CCDC93: variants seen among roughly 807,000 people sequenced by gnomAD.
CCDC93 encodes the protein coiled-coil domain-containing protein 93.
In CCDC93, 61 loss-of-function variants were observed where a neutral mutation model predicts 108.2. The ratio of observed to expected loss-of-function variants is 0.56; its 90% CI spans 0.46 to 0.70. The LOEUF (loss-of-function observed/expected upper bound fraction) is 0.70. CCDC93 is among the 30% of genes least tolerant of loss of function. The probability of loss-of-function intolerance (pLI) is 0.00; values close to 1 mark genes in which losing one functional copy is unlikely to be tolerated. For synonymous variants in CCDC93, 276 were observed against 260.4 expected, an observed-to-expected ratio of 1.06 and a Z score of -0.58; for missense variants, 685 against 764.2, an observed-to-expected ratio of 0.90 and a Z score of 1.22.
At chr2:117,996,991 T>A (rs576352058) in intron 4 of CCDC93, 1 of 152,430 alleles carries the variant, frequency 6.6e-6, no homozygotes, top group East Asian at 1.9e-4. Context: ...TGGTACTGGC[T>A]GAGTTTTACT....
At chr2:117,922,086 T>C (rs746427687) in intron 23 of CCDC93, among the ~76,000 whole-genome samples, 2 of 152,194 alleles carry the variant, frequency 1.3e-5, no homozygotes, top group African/African-American at 2.4e-5. Flanking sequence ...CTACACTCTC[T>C]ACTTGTATAT....
intron 23 of CCDC93, among the ~76,000 whole-genome samples, chr2:117,924,521 G>T (rs10187037): frequency 2.6e-5 from 4 of 152,048 alleles, no homozygotes; most frequent in Non-Finnish European, 5.9e-5. Context: ...CTGGAAGAAA[G>T]GGTATCAGTG....
chr2:117,988,350 A>C (rs1680380586), intron 6 of CCDC93, among the ~76,000 whole-genome samples: 1 of 152,156 alleles, frequency 6.6e-6, no homozygotes, highest in Non-Finnish European at 1.5e-5. Context: ...ACAGCACAGT[A>C]CCATGGCAGT....
intron 22 of CCDC93, among the ~76,000 whole-genome samples, chr2:117,932,143 T>C (rs1678358590): frequency 6.6e-6 from 1 of 152,118 alleles, no homozygotes; most frequent in African/African-American, 2.4e-5. Flanking sequence ...CAATGCTATG[T>C]GCTGTATGTC....
chr2:117,932,328 G>A (rs987061990), intron 22 of CCDC93, among the ~76,000 whole-genome samples: 2 of 152,130 alleles, frequency 1.3e-5, no homozygotes, highest in Non-Finnish European at 2.9e-5. Flanking sequence ...CTTTGGGAGG[G>A]ATTTGGTAAA....
chr2:117,960,328 C>G (rs933997587), intron 11 of CCDC93, among the ~76,000 whole-genome samples: 6 of 152,192 alleles, frequency 3.9e-5, no homozygotes, highest in African/African-American at 1.4e-4. Flanking sequence ...TGTCAGGCTT[C>G]GAGACTGAGA....
At chr2:117,952,317 G>GT in intron 13 of CCDC93, 56 bp downstream of exon 13, 2 of 1,140,826 alleles carry the variant, frequency 1.8e-6, no homozygotes, top group Non-Finnish European at 1.3e-6. Context: ...TAGTGGTTCA[G>GT]GTCAAAAACA....
At chr2:117,975,119 G>C in intron 9 of CCDC93, 69 bp downstream of exon 9, 2 of 1,384,354 alleles carry the variant, frequency 1.4e-6, no homozygotes, top group Non-Finnish European at 2.0e-6. Context: ...GGAACGCTAG[G>C]GATAAGAGTA....
chr2:117,962,960 T>C (rs1176136338), intron 11 of CCDC93, among the ~76,000 whole-genome samples: 1 of 152,186 alleles, frequency 6.6e-6, no homozygotes, highest in African/African-American at 2.4e-5. Flanking sequence ...AGTTCTGCAA[T>C]CCTAATTCAC....
At chr2:117,966,707 T>C (rs1679591212) in intron 11 of CCDC93, among the ~76,000 whole-genome samples, 1 of 152,208 alleles carries the variant, frequency 6.6e-6, no homozygotes, top group South Asian at 2.1e-4. Flanking sequence ...CATAAGTACA[T>C]CCTTGACCAT....
At position 117,936,749 on chromosome 2, in the gene CCDC93, T is replaced by TA. The variant is rs779925864; in HGVS notation, c.1606-11dup. Reference sequence around the variant, plus strand: ...AGTTCAGCAGACTAATCTGGGGAAGTAAAAAAACAAACGAAATTATAAGAC... The same window carrying TA: ...AGTTCAGCAGACTAATCTGGGGAAGTAAAAAAAACAAACGAAATTATAAGAC... On this transcript the variant is annotated splice_polypyrimidine_tract_variant and intron_variant, in intron 20 of 23. Transcript: ENST00000376300. The TA allele has an allele frequency of 3.1e-6, 5 of 1,611,782 alleles. 1 individual carries two copies. The highest frequency in any genetic ancestry group is 2.2e-5 in the East Asian group (1 of 44,862).
rs559715335 is a variant in CCDC93 at position 117,950,969 on chromosome 2, T to C, written c.1068+1404A>G. On this transcript the variant is annotated intron_variant, in intron 13 of 23. Coordinates refer to ENST00000376300, the MANE Select transcript of CCDC93 (RefSeq NM_019044.5). ...AGCAATGTTGGCTGCTGTTTTCATT[T>C]GAGGATAGTCTTATTACTGACTTAA... The C allele has an allele frequency of 7.3e-5, 72 of 985,452 alleles. No homozygotes were observed. The African/African-American group carries it at 1.2e-3, about 17-fold the overall frequency. 61.0% of individuals were successfully genotyped at this position (985,452 alleles called of 1,614,324 possible).
At chr2:117,962,195 C>A (rs1296248938) in intron 11 of CCDC93, among the ~76,000 whole-genome samples, 1 of 152,160 alleles carries the variant, frequency 6.6e-6, no homozygotes, top group East Asian at 1.9e-4. Context: ...ACACATCAAC[C>A]TTCTAATACA....
rs1257077754 is a variant in CCDC93 at position 117,936,604 on chromosome 2, T to C, written c.1643+98A>G. On this transcript the variant is annotated intron_variant, in intron 21 of 23. Transcript: ENST00000376300. The stretch of plus-strand genomic sequence containing the variant: ...CACATACCCAGTGTTAAGTCTTGCA[T>C]GTACCTTTGTCAAGCACATTATAGC... The C allele has an allele frequency of 7.4e-6, 7 of 949,762 alleles. No homozygotes were observed. In the East Asian group the frequency reaches 1.4e-4, roughly 20 times the overall value. The allele number at this position is 949,762 out of a possible 1,614,324, so 58.8% of individuals were successfully genotyped here.
intron 8 of CCDC93, among the ~76,000 whole-genome samples, chr2:117,977,660 T>C (rs902591934): frequency 1.3e-5 from 2 of 152,332 alleles, no homozygotes; most frequent in South Asian, 2.1e-4. Flanking sequence ...CACATCTATT[T>C]AGAGTCTCAC....
intron 5 of CCDC93, 67 bp from the exon 6 acceptor site, chr2:117,995,569 G>GAA: frequency 9.4e-7 from 1 of 1,063,672 alleles, no homozygotes; most frequent in Non-Finnish European, 1.3e-6. Context: ...GGACCACTCA[G>GAA]ATATGTCTTA....
chr2:117,988,919 A>G (rs1011975670), intron 6 of CCDC93, among the ~76,000 whole-genome samples: 2 of 152,128 alleles, frequency 1.3e-5, no homozygotes, highest in African/African-American at 4.8e-5. Context: ...CACAAGCCCC[A>G]CCTCAGGTCT....
chr2:117,928,259 GTGGGATCTCA>G (rs1678192893), intron 23 of CCDC93, among the ~76,000 whole-genome samples: 1 of 152,118 alleles, frequency 6.6e-6, no homozygotes, highest in Non-Finnish European at 1.5e-5. Context: ...AAATTGACAA[GTGGGATCTCA>G]TTAAACTAAA....
intron 11 of CCDC93, among the ~76,000 whole-genome samples, chr2:117,964,697 C>T (rs947046289): frequency 1.3e-5 from 2 of 152,018 alleles, no homozygotes; most frequent in African/African-American, 2.4e-5. Flanking sequence ...CTCCTGAGCT[C>T]AAGCAATCCT....
Sources: gnomAD v4.1 joint callset for allele counts (sites outside exome capture counted in the v4.1 genomes callset) on GRCh38, gnomAD v4.1.1 for gene constraint, MANE v1.5 for transcripts, NCBI Gene and HGNC (gene_info 2026-07-23, HGNC 2026-07-21) for gene names.